The following MACROD2 variants were observed in gnomAD, a reference collection of about 807,000 sequenced individuals.
MACROD2 encodes the protein ADP-ribose glycohydrolase MACROD2.
A neutral mutation model predicts 70.4 loss-of-function variants in MACROD2; 36 were observed. That is an observed-to-expected ratio of 0.51 (90% CI 0.39 to 0.68). The LOEUF (loss-of-function observed/expected upper bound fraction) is 0.68, where lower values mean the gene tolerates loss of function less well. Among genes scored for constraint, MACROD2 ranks in the 30% least tolerant of loss-of-function variants. MACROD2 has a pLI of 0.00. For missense variants in MACROD2, 496 were observed against 538.4 expected (o/e 0.92, Z 0.78); for synonymous variants, 172 against 178.8 (o/e 0.96, Z 0.30).
At chr20:15,558,350 T>C (rs2048196570) in intron 8 of MACROD2, among the ~76,000 whole-genome samples, 1 of 152,236 alleles carries the variant, frequency 6.6e-6, no homozygotes, top group Non-Finnish European at 1.5e-5. Context: ...CCCCAGCACC[T>C]TCCCTCCTGC....
chr20:14,391,202 A>G (rs1041891470), intron 3 of MACROD2, among the ~76,000 whole-genome samples: 1 of 152,212 alleles, frequency 6.6e-6, no homozygotes, highest in South Asian at 2.1e-4. Context: ...AGTCACGATA[A>G]CAAAGACATG....
At chr20:15,475,014 G>GAA (rs35460927) in intron 7 of MACROD2, among the ~76,000 whole-genome samples, 4,020 of 147,898 alleles carry the variant, frequency 0.027, 83 homozygotes, top group African/African-American at 0.054. Flanking sequence ...AAAATATTCA[G>GAA]AAAAAAAAAA....
chr20:15,124,992 G>A (rs1445905833), intron 5 of MACROD2, among the ~76,000 whole-genome samples: 1 of 152,062 alleles, frequency 6.6e-6, no homozygotes, highest in African/African-American at 2.4e-5. Flanking sequence ...TTAGGGTGCT[G>A]TTAGAGTTGG....
At chr20:14,223,664 T>C (rs887560811) in intron 3 of MACROD2, among the ~76,000 whole-genome samples, 2 of 151,932 alleles carry the variant, frequency 1.3e-5, no homozygotes, top group Admixed American at 1.3e-4. Context: ...CCCGCCACCA[T>C]GCCCAGCCAA....
At chr20:15,511,413 G>A (rs944042768) in intron 8 of MACROD2, among the ~76,000 whole-genome samples, 1 of 151,976 alleles carries the variant, frequency 6.6e-6, no homozygotes, top group Non-Finnish European at 1.5e-5. Flanking sequence ...ACTGCTCCTC[G>A]ATATAAGCGC....
chr20:14,743,095 T>A (rs2071754864), intron 5 of MACROD2, among the ~76,000 whole-genome samples: 1 of 152,136 alleles, frequency 6.6e-6, no homozygotes, highest in Non-Finnish European at 1.5e-5. Flanking sequence ...GCTTGACTGG[T>A]ATTAAGAAAG....
At chr20:14,631,774 A>AAAAAAG (rs1251819234) in intron 4 of MACROD2, 5 of 152,184 alleles carry the variant, frequency 3.3e-5, no homozygotes, top group African/African-American at 7.2e-5. Context: ...ACTCCATCTC[A>AAAAAAG]AAAAAGAAAA....
chr20:15,883,049 A>ACAAG (rs2064777906), intron 9 of MACROD2, among the ~76,000 whole-genome samples: 1 of 152,052 alleles, frequency 6.6e-6, no homozygotes, highest in East Asian at 1.9e-4. Context: ...AAACAAACAA[A>ACAAG]CAAAACAAAA....
chr20:15,317,035 A>G (rs183390118), intron 6 of MACROD2, among the ~76,000 whole-genome samples: 56 of 152,180 alleles, frequency 3.7e-4, no homozygotes, highest in Admixed American at 2.8e-3. Context: ...CACATACACA[A>G]ACTTACAGGA....
intron 13 of MACROD2, among the ~76,000 whole-genome samples, chr20:15,974,645 G>A (rs1195444229): frequency 6.6e-6 from 1 of 152,096 alleles, no homozygotes; most frequent in African/African-American, 2.4e-5. Context: ...AGTTCCAAGA[G>A]TGAACCTTAA....
At chr20:15,843,933 A>T (rs138936242) in intron 8 of MACROD2, among the ~76,000 whole-genome samples, 1 of 152,194 alleles carries the variant, frequency 6.6e-6, no homozygotes, top group African/African-American at 2.4e-5. Flanking sequence ...AGTCAGGAAT[A>T]TGAAGCATCC....
intron 4 of MACROD2, among the ~76,000 whole-genome samples, chr20:14,574,826 A>G (rs1351012823): frequency 6.7e-6 from 1 of 148,990 alleles, no homozygotes; most frequent in East Asian, 2.0e-4. Context: ...CCTGGCTAAC[A>G]AGGTGAAACC....
intron 7 of MACROD2, among the ~76,000 whole-genome samples, chr20:15,433,459 C>CAAAAAAAAAAAAA (rs60298297): frequency 6.8e-5 from 6 of 88,250 alleles, no homozygotes; most frequent in African/African-American, 1.6e-4. Flanking sequence ...ACAAGAGCTG[C>CAAAAAAAAAAAAA]AAAAAAAAAA....
At chr20:14,107,560 C>A (rs2054386561) in intron 3 of MACROD2, among the ~76,000 whole-genome samples, 1 of 151,808 alleles carries the variant, frequency 6.6e-6, no homozygotes, top group Non-Finnish European at 1.5e-5. Context: ...GCAGATATAA[C>A]AAAAAAGACT....
chr20:14,800,676 A>C (rs2072564389), intron 5 of MACROD2, among the ~76,000 whole-genome samples: 1 of 152,128 alleles, frequency 6.6e-6, no homozygotes, highest in Admixed American at 6.6e-5. Flanking sequence ...GGTTATAATA[A>C]AAATATCGCT....
At chr20:15,271,605 C>A (rs1366921229) in intron 6 of MACROD2, among the ~76,000 whole-genome samples, 1 of 152,206 alleles carries the variant, frequency 6.6e-6, no homozygotes, top group Admixed American at 6.5e-5. Flanking sequence ...TAGCTCTTTT[C>A]CTGACATGTA....
chr20:15,091,353 C>T (rs1019792359), intron 5 of MACROD2, among the ~76,000 whole-genome samples: 2 of 141,104 alleles, frequency 1.4e-5, no homozygotes, highest in African/African-American at 5.2e-5. Flanking sequence ...TAAAACCAAA[C>T]AAAAAAAAAA....
chr20:15,058,153 C>T (rs2075501891), intron 5 of MACROD2, among the ~76,000 whole-genome samples: 1 of 152,118 alleles, frequency 6.6e-6, no homozygotes, highest in South Asian at 2.1e-4. Context: ...TTATACCAAC[C>T]ATGTCTCCTC....
At chr20:15,622,091 G>T (rs545944863) in intron 8 of MACROD2, among the ~76,000 whole-genome samples, 31 of 152,168 alleles carry the variant, frequency 2.0e-4, no homozygotes, top group Non-Finnish European at 8.8e-5. Context: ...ATGGGGCGAG[G>T]CATTGCTGTC....
Sources: allele counts gnomAD v4.1 joint callset (sites outside exome capture counted in the v4.1 genomes callset), GRCh38; gene constraint gnomAD v4.1.1; transcripts MANE v1.5; gene names NCBI Gene and HGNC (gene_info 2026-07-23, HGNC 2026-07-21).